Variants in SUPT3H observed in about 807,000 individuals in gnomAD.
SUPT3H encodes the protein transcription initiation protein SPT3 homolog.
In SUPT3H, 44 loss-of-function variants were observed where a neutral mutation model predicts 44.3. The observed-to-expected ratio is 0.99, with a 90% CI of 0.78 to 1.28. The LOEUF is 1.28. Among genes scored for constraint, SUPT3H ranks in the 50% most tolerant of loss-of-function variants. The pLI is 0.00. For missense variants in SUPT3H, 380 were observed against 387.1 expected, an observed-to-expected ratio of 0.98 and a Z score of 0.15; for synonymous variants, 124 against 125.6, an observed-to-expected ratio of 0.99 and a Z score of 0.09.
chr6:44,969,000 A>C (rs886486905), intron 6 of SUPT3H, among the ~76,000 whole-genome samples: 3 of 151,938 alleles, frequency 2.0e-5, no homozygotes, highest in Non-Finnish European at 2.9e-5. Flanking sequence ...TGTGCTGGCC[A>C]CCCCTCCCCA....
At position 45,270,289 on chromosome 6, in the gene SUPT3H, T is replaced by G. The variant is rs565933152; in HGVS notation, c.101+94912A>C. Among the ~76,000 whole-genome samples, 3 of 152,112 alleles carry G rather than the reference T, an allele frequency of 2.0e-5. No homozygotes were observed. In the South Asian group the frequency reaches 6.2e-4, roughly 32 times the overall value. ...AGTGCAGTCTTTTTTTATACACTATTAACTATATTAAAAAAAAAAGTGGTT... is the reference window on the plus strand; with the variant it reads ...AGTGCAGTCTTTTTTTATACACTATGAACTATATTAAAAAAAAAAGTGGTT... On this transcript the variant is annotated intron_variant, in intron 2 of 10. Coordinates refer to ENST00000371459, the MANE Select transcript of SUPT3H (RefSeq NM_003599.4).
intron 3 of SUPT3H, among the ~76,000 whole-genome samples, chr6:45,067,647 G>A (rs1407782660): frequency 4.6e-5 from 7 of 151,156 alleles, no homozygotes; most frequent in African/African-American, 1.7e-4. Flanking sequence ...CAAAAAGTGG[G>A]CGAAGGACAT....
intron 3 of SUPT3H, among the ~76,000 whole-genome samples, chr6:45,078,035 G>A (rs1442868842): frequency 1.3e-5 from 2 of 152,112 alleles, no homozygotes; most frequent in Non-Finnish European, 2.9e-5. Context: ...AGTACACCTG[G>A]CTAATTTCAG....
At chr6:45,137,371 C>G (rs1056814413) in intron 2 of SUPT3H, among the ~76,000 whole-genome samples, 1 of 151,914 alleles carries the variant, frequency 6.6e-6, no homozygotes, top group African/African-American at 2.4e-5. Context: ...ATAAAAGACT[C>G]TCTAAAGACA....
chr6:44,860,950 T>A (rs1007397421), intron 10 of SUPT3H, among the ~76,000 whole-genome samples: 2 of 152,022 alleles, frequency 1.3e-5, no homozygotes, highest in Non-Finnish European at 2.9e-5. Flanking sequence ...GTAAAAGTTT[T>A]CTTTTGCCAA....
At chr6:44,853,662 T>C (rs1773270815) in intron 10 of SUPT3H, among the ~76,000 whole-genome samples, 1 of 151,910 alleles carries the variant, frequency 6.6e-6, no homozygotes, top group Non-Finnish European at 1.5e-5. Flanking sequence ...TTTACAAAAA[T>C]GAGGCTCAAG....
At chr6:44,891,972 C>T (rs991271531) in intron 10 of SUPT3H, among the ~76,000 whole-genome samples, 50 of 151,894 alleles carry the variant, frequency 3.3e-4, no homozygotes, top group African/African-American at 1.2e-3. Flanking sequence ...AAAATTCCAT[C>T]AAAATGTTCT....
chr6:45,239,002 A>G (rs965936482), intron 2 of SUPT3H, among the ~76,000 whole-genome samples: 6 of 152,242 alleles, frequency 3.9e-5, no homozygotes, highest in Admixed American at 1.3e-4. Context: ...AGATGGGTCC[A>G]GTAATAGTAA....
intron 2 of SUPT3H, among the ~76,000 whole-genome samples, chr6:45,361,084 C>A (rs963610542): frequency 6.6e-6 from 1 of 151,968 alleles, no homozygotes; most frequent in Non-Finnish European, 1.5e-5. Context: ...ACCAGCCTGG[C>A]AACATAGAGA....
Position 45,272,554 on chromosome 6 carries a change from A to C in SUPT3H, c.101+92647T>G, listed in dbSNP as rs550977066. On this transcript the variant is annotated intron_variant, in intron 2 of 10. Transcript: ENST00000371459. Reference sequence around the variant, plus strand: ...CGGATATATCTTTATCAACAGCGTGAAAATGGGCTAATACATTGACCTTTA... The same window carrying C: ...CGGATATATCTTTATCAACAGCGTGCAAATGGGCTAATACATTGACCTTTA... 2.6e-5 allele frequency among the ~76,000 whole-genome samples: 4 copies of C among 152,310 alleles called. No individual in the cohort carries two copies. The South Asian group carries it at 8.3e-4, about 32-fold the overall frequency.
Position 44,890,832 on chromosome 6 carries a change from A to G in SUPT3H, c.912+41821T>C, listed in dbSNP as rs920279302. On this transcript the variant is annotated intron_variant, in intron 10 of 10. Coordinates refer to ENST00000371459, the MANE Select transcript of SUPT3H (RefSeq NM_003599.4). ...TGCAGCCATAAAACAGGATGAGTTCATGTCCTTTGCAGGGACATGGATGAA... is the reference window on the plus strand; with the variant it reads ...TGCAGCCATAAAACAGGATGAGTTCGTGTCCTTTGCAGGGACATGGATGAA... Among the ~76,000 whole-genome samples the G allele has an allele frequency of 2.0e-5, 3 of 152,218 alleles. No homozygotes were observed. In the South Asian group the frequency reaches 6.2e-4, roughly 32 times the overall value.
intron 10 of SUPT3H, among the ~76,000 whole-genome samples, chr6:44,896,929 T>C (rs1764206232): frequency 6.6e-6 from 1 of 152,224 alleles, no homozygotes; most frequent in Non-Finnish European, 1.5e-5. Flanking sequence ...AGATTCTCTT[T>C]AGGGCACTGT....
intron 2 of SUPT3H, among the ~76,000 whole-genome samples, chr6:45,121,665 G>T (rs1285101096): frequency 2.0e-5 from 3 of 151,408 alleles, no homozygotes; most frequent in Non-Finnish European, 4.4e-5. Flanking sequence ...GATTTTTTTT[G>T]GGTTTTTTTG....
At chr6:44,823,021 GGCAGGAGAATT>G (rs1204128315), downstream of SUPT3H, among the ~76,000 whole-genome samples, 1 of 151,270 alleles carries the variant, frequency 6.6e-6, no homozygotes, top group Non-Finnish European at 1.5e-5. Context: ...TGGAGGCTGA[GGCAGGAGAATT>G]GCTTGAACCC....
chr6:45,184,940 T>C lies in SUPT3H; in HGVS notation c.102-78934A>G, dbSNP rs913046933. Among the ~76,000 whole-genome samples the C allele has an allele frequency of 1.6e-4, 25 of 152,130 alleles. 1 individual carries two copies. The highest frequency in any genetic ancestry group is 1.3e-3 in the Admixed American group (20 of 15,276). ...TACCACCCACTTTCAGCAGGCCAAA[T>C]GGTACATTAAATTTCCACTCCAAAA... On this transcript the variant is annotated intron_variant, in intron 2 of 10. Coordinates refer to ENST00000371459, the MANE Select transcript of SUPT3H (RefSeq NM_003599.4).
intron 2 of SUPT3H, among the ~76,000 whole-genome samples, chr6:45,262,855 A>T (rs763999256): frequency 1.3e-5 from 2 of 152,130 alleles, no homozygotes; most frequent in African/African-American, 2.4e-5. Context: ...CTTAAAAGAC[A>T]ACATACAAAC....
intron 2 of SUPT3H, among the ~76,000 whole-genome samples, chr6:45,223,025 T>C (rs561495526): frequency 1.3e-5 from 2 of 152,128 alleles, no homozygotes; most frequent in South Asian, 4.1e-4. Flanking sequence ...GTGTTTGCCA[T>C]GGGATAGGGA....
intron 1 of SUPT3H, among the ~76,000 whole-genome samples, chr6:45,370,824 G>T (rs948543317): frequency 6.6e-6 from 1 of 152,056 alleles, no homozygotes; most frequent in African/African-American, 2.4e-5. Context: ...CCGAGACACA[G>T]GAGTTTCTAG....
rs548892175 is a variant in SUPT3H, at chr6:45,314,268, A to G, written c.101+50933T>C. 3.9e-5 allele frequency among the ~76,000 whole-genome samples: 6 copies of G among 152,302 alleles called. No homozygotes were observed. In the South Asian group the frequency reaches 8.3e-4, roughly 21 times the overall value. ...TGCCCATTCTCACCACTCCTCTTCA[A>G]CATAGTACTGGAAGTCTTAGCCAGA... On this transcript the variant is annotated intron_variant, in intron 2 of 10. Coordinates refer to ENST00000371459, the MANE Select transcript of SUPT3H (RefSeq NM_003599.4).
Sources: gnomAD v4.1 joint callset for allele counts (sites outside exome capture counted in the v4.1 genomes callset) on GRCh38, gnomAD v4.1.1 for gene constraint, MANE v1.5 for transcripts, NCBI Gene and HGNC (gene_info 2026-07-23, HGNC 2026-07-21) for gene names.